TEX15: variants seen among roughly 807,000 people sequenced by gnomAD.
TEX15 encodes the protein testis expressed 15, meiosis and synapsis associated, also known as testis-expressed protein 15.
TEX15 carries 171 observed loss-of-function variants against 237.3 expected under a neutral mutation model. The observed-to-expected ratio is 0.72, with a 90% CI of 0.64 to 0.82. The LOEUF (loss-of-function observed/expected upper bound fraction) is 0.82. TEX15 is among the 40% of genes least tolerant of loss of function. TEX15 has a pLI of 0.00. For synonymous variants in TEX15, 1,338 were observed against 1,269.8 expected (o/e 1.05, Z -1.14); for missense variants, 3,750 against 3,646.5 (o/e 1.03, Z -0.73).
intron 10 of TEX15, among the ~76,000 whole-genome samples, chr8:30,836,530 A>G (rs1807304064): frequency 6.6e-6 from 1 of 152,144 alleles, no homozygotes; most frequent in East Asian, 1.9e-4. Flanking sequence ...TCGATTAACT[A>G]TAAGTTACTT....
chr8:30,861,270 T>C (rs1808045955), intron 5 of TEX15, among the ~76,000 whole-genome samples: 10 of 152,150 alleles, frequency 6.6e-5, no homozygotes. Context: ...CATAGGCCAA[T>C]ATTTATTCAA....
At chr8:30,855,230 G>A (rs1024631455) in intron 7 of TEX15, among the ~76,000 whole-genome samples, 16 of 152,004 alleles carry the variant, frequency 1.1e-4, no homozygotes, top group African/African-American at 1.9e-4. Flanking sequence ...TTAGAATAAC[G>A]AGTTCAGCAA....
At chr8:30,872,717 G>C (rs1808317270) in intron 4 of TEX15, among the ~76,000 whole-genome samples, 1 of 151,756 alleles carries the variant, frequency 6.6e-6, no homozygotes, top group African/African-American at 2.4e-5. Flanking sequence ...GTGTGTTTGT[G>C]TCTTAAGTTT....
rs144811062 is a variant in TEX15 at position 30,842,150 on chromosome 8, T to C, written c.8017A>G (p.Ile2673Val). 8.9e-5 allele frequency: 144 copies of C among 1,612,826 alleles called. No individual in the cohort carries two copies. Among genetic ancestry groups the C allele is most frequent in the Middle Eastern group, 5.0e-4 (3 of 6,056 alleles). ...KPGENNNKFSISTMLPPVSEC... is the reference protein window; with the variant it reads ...KPGENNNKFSVSTMLPPVSEC... The stretch of plus-strand genomic sequence containing the variant: ...GATACTGGGGGCAACATCGTAGAAA[T>C]ACTAAATTTATTGTTATTTTCCCCA... The change falls in exon 8 of 11, where the codon ATT (isoleucine) becomes GTT (valine). Residue 2673 changes from isoleucine to valine, a missense_variant. By Grantham distance (29) the Ile-to-Val change is conservative (BLOSUM62 3). Transcript: ENST00000643185.
At position 30,858,648 on chromosome 8, in the gene TEX15, C is replaced by A. The variant is rs780410214; in HGVS notation, c.850+20G>T. On this transcript the variant is annotated intron_variant, in intron 7 of 10. Coordinates refer to ENST00000643185, the MANE Select transcript of TEX15 (RefSeq NM_001350162.2). ...GACCAGCACAAATATTAATCAAGTA[C>A]AATCATATGTGTATCTTACCAGCTC... 1.3e-6 allele frequency: 2 copies of A among 1,509,186 alleles called. No homozygotes were observed. Among genetic ancestry groups the A allele is most frequent in the South Asian group, 2.5e-5 (2 of 80,550 alleles). 93.5% of individuals were successfully genotyped at this position (1,509,186 alleles called of 1,614,324 possible). A position where few individuals can be genotyped will look rare whatever the true frequency, so the allele number is the denominator to read the frequency against.
chr8:30,892,205 T>C (rs1326373533), intron 2 of TEX15, among the ~76,000 whole-genome samples: 1 of 152,248 alleles, frequency 6.6e-6, no homozygotes, highest in African/African-American at 2.4e-5. Context: ...AGGTTTGAGT[T>C]TTCCATGTGA....
rs752664146 is a variant in TEX15 at position 30,847,624 on chromosome 8, T to G, written c.2543A>C (p.Asp848Ala). The change falls in exon 8 of 11, where the codon GAT (aspartate) becomes GCT (alanine). Residue 848 changes from aspartate (D) to alanine (A), a missense_variant. Coordinates refer to ENST00000643185, the MANE Select transcript of TEX15 (RefSeq NM_001350162.2). ...TTTGAAATTAACATTCAGCCATATA[T>G]CATTGCTTAACTGTGAATTACAGAA... Reference protein sequence around the residue: ...NLFCNSQLSNDIWLNVNFKKQ... With the variant: ...NLFCNSQLSNAIWLNVNFKKQ... The G allele has an allele frequency of 8.1e-6, 13 of 1,613,424 alleles. No individual in the cohort carries two copies. The South Asian group carries it at 1.3e-4, about 16-fold the overall frequency.
intron 5 of TEX15, among the ~76,000 whole-genome samples, chr8:30,860,648 T>TC (rs1808028845): frequency 6.7e-6 from 1 of 148,392 alleles, no homozygotes; most frequent in Non-Finnish European, 1.5e-5. Context: ...CACTGCAGCC[T>TC]CCGCCTCTTG....
intron 4 of TEX15, among the ~76,000 whole-genome samples, chr8:30,870,541 CAAGT>C (rs917295211): frequency 6.6e-6 from 1 of 151,914 alleles, no homozygotes; most frequent in African/African-American, 2.4e-5. Flanking sequence ...TAAAAGTATT[CAAGT>C]AAGTATTTTT....
At position 30,848,873 on chromosome 8, in the gene TEX15, T is replaced by C; in HGVS notation, c.1294A>G (p.Lys432Glu). 1 of 1,614,186 alleles carries C rather than the reference T, an allele frequency of 6.2e-7. No homozygotes were observed. The highest frequency in any genetic ancestry group is 8.5e-7 in the Non-Finnish European group (1 of 1,180,024). The stretch of plus-strand genomic sequence containing the variant: ...TCTCTCCTCATCAGTCTTGGGTCTT[T>C]GATGGATTTTGAAGTAGTGACTGTG... ...SSTVTTSKSI[K>E]DPRLMRREES... The change falls in exon 8 of 11, where the codon AAA becomes GAA. Residue 432 changes from lysine to glutamate, a missense_variant. By Grantham distance (56) the Lys-to-Glu change is moderately conservative (BLOSUM62 1). Coordinates refer to ENST00000643185, the MANE Select transcript of TEX15 (RefSeq NM_001350162.2).
chr8:30,836,280 C>T (rs904384496), intron 10 of TEX15, among the ~76,000 whole-genome samples: 1 of 118,116 alleles, frequency 8.5e-6, no homozygotes, highest in Non-Finnish European at 1.6e-5. Context: ...AGTGGCGGAT[C>T]TCCGCTCACC....
chr8:30,907,864 G>A (rs531214148), intron 1 of TEX15, among the ~76,000 whole-genome samples: 8 of 150,240 alleles, frequency 5.3e-5, no homozygotes, highest in Non-Finnish European at 1.0e-4. Flanking sequence ...CTTGAGCCCA[G>A]GTGATCAAGG....
rs527698607 is a variant in TEX15, at chr8:30,850,580, T to C, written c.851-1264A>G. 2.2e-4 allele frequency among the ~76,000 whole-genome samples: 34 copies of C among 152,276 alleles called. 1 individual carries two copies. Among genetic ancestry groups the C allele is most frequent in the South Asian group, 1.5e-3 (7 of 4,826 alleles). ...TTTTATTACTTACAGTAAGCTATCA[T>C]GGAAATATGACCACATATGAAGAGA... On this transcript the variant is annotated intron_variant, in intron 7 of 10. Transcript: ENST00000643185.
rs571456178 is a variant in TEX15, at chr8:30,837,975, T to C, written c.8309A>G (p.Lys2770Arg). 6.2e-7 allele frequency: 1 copy of C among 1,613,784 alleles called. No individual in the cohort carries two copies. Among genetic ancestry groups the C allele is most frequent in the South Asian group, 1.1e-5 (1 of 90,972 alleles). ...SLKRNHLTPKKVEMQRSLPGS... is the reference protein window; with the variant it reads ...SLKRNHLTPKRVEMQRSLPGS... The stretch of plus-strand genomic sequence containing the variant: ...AGGTAGTGATCTTTGCATTTCAACC[T>C]TTTTTGGCGTTAAATGATTTCTTTT... The change falls in exon 10 of 11, where the codon AAG becomes AGG. Residue 2770 changes from lysine (K) to arginine (R), a missense_variant. Lys to Arg is a conservative substitution (Grantham distance 26). Coordinates refer to ENST00000643185, the MANE Select transcript of TEX15 (RefSeq NM_001350162.2).
At chr8:30,888,590 G>A in intron 2 of TEX15, 1 of 1,279,400 alleles carries the variant, frequency 7.8e-7, no homozygotes, top group Non-Finnish European at 1.0e-6. Context: ...AGAAAGCTAT[G>A]GAGTATACAC....
chr8:30,849,991 T>C lies in TEX15; in HGVS notation c.851-675A>G, dbSNP rs376169802. Among the ~76,000 whole-genome samples the C allele has an allele frequency of 6.6e-5, 10 of 152,160 alleles. No individual in the cohort carries two copies. In the East Asian group the frequency reaches 1.9e-3, roughly 29 times the overall value. On this transcript the variant is annotated intron_variant, in intron 7 of 10. Transcript: ENST00000643185. ...ACAGCTCTCTTATATTAATTTTCTA[T>C]ATTCAGATGTTTAATAATAGCATGT...
At chr8:30,891,415 T>TA (rs370336434) in intron 2 of TEX15, among the ~76,000 whole-genome samples, 208 of 152,340 alleles carry the variant, frequency 1.4e-3, no homozygotes, top group African/African-American at 4.8e-3. Flanking sequence ...TGGTAGTTTT[T>TA]ACTTTCTGCC....
chr8:30,886,122 A>T (rs1808640996), intron 3 of TEX15, among the ~76,000 whole-genome samples: 1 of 152,140 alleles, frequency 6.6e-6, no homozygotes, highest in Non-Finnish European at 1.5e-5. Flanking sequence ...TGTTAAGATG[A>T]GCGATTTTTA....
Position 30,849,217 on chromosome 8 carries a change from G to C in TEX15, c.950C>G (p.Pro317Arg). ...TFVHFKKPVD[P>R]FVQENCLCNA... is the part of the protein sequence containing the mutation. ...GCATAAACAGTTTTCTTGAACAAAT[G>C]GATCTACAGGTTTCTTGAAATGCAC... The change falls in exon 8 of 11, where the codon CCA becomes CGA. Residue 317 changes from proline (P) to arginine (R), a missense_variant. Physicochemically the swap from Pro to Arg is moderately radical, Grantham distance 103. Transcript: ENST00000643185. 1 of 1,536,318 alleles carries C rather than the reference G, an allele frequency of 6.5e-7. No homozygotes were observed. The highest frequency in any genetic ancestry group is 8.7e-7 in the Non-Finnish European group (1 of 1,146,836).
Sources: gnomAD v4.1 joint callset for allele counts (sites outside exome capture counted in the v4.1 genomes callset) on GRCh38, gnomAD v4.1.1 for gene constraint, MANE v1.5 for transcripts, NCBI Gene and HGNC (gene_info 2026-07-23, HGNC 2026-07-21) for gene names.